ONECUT2: variants seen among roughly 807,000 people sequenced by gnomAD.
ONECUT2 encodes one cut homeobox 2.
In ONECUT2, 10 loss-of-function variants were observed where a neutral mutation model predicts 27.9. That is an observed-to-expected ratio of 0.36 (90% confidence interval 0.22 to 0.61). The LOEUF is 0.61. Ranked by LOEUF, ONECUT2 falls within the 20% of genes least tolerant of loss-of-function variation. ONECUT2 has a pLI of 0.73. For synonymous variants in ONECUT2, 334 were observed against 315.1 expected, an observed-to-expected ratio of 1.06 and a Z score of -0.64; for missense variants, 686 against 721.0, an observed-to-expected ratio of 0.95 and a Z score of 0.56.
intron 1 of ONECUT2, among the ~76,000 whole-genome samples, chr18:57,475,483 C>T (rs1459696692): frequency 2.6e-5 from 4 of 152,150 alleles, no homozygotes; most frequent in East Asian, 1.9e-4. Flanking sequence ...TCCCTGAAAG[C>T]GTCAAGAAGC....
Position 57,436,920 on chromosome 18 carries a change from C to A in ONECUT2, c.1204C>A (p.Arg402Ser). 2 of 1,608,518 alleles carry A rather than the reference C, an allele frequency of 1.2e-6. No individual in the cohort carries two copies. Among genetic ancestry groups the A allele is most frequent in the Non-Finnish European group, 1.7e-6 (2 of 1,177,744 alleles). ...WKWLQEPEFQRMSALRLAACK... is the reference protein window; with the variant it reads ...WKWLQEPEFQSMSALRLAACK... ...GTGGCTTCAGGAGCCCGAGTTCCAGCGCATGTCCGCCTTACGCCTGGCAGG... is the reference window on the plus strand; with the variant it reads ...GTGGCTTCAGGAGCCCGAGTTCCAGAGCATGTCCGCCTTACGCCTGGCAGG... Residue 402 changes from arginine to serine, a missense_variant, in exon 1 of 2, where the codon CGC becomes AGC. Around this residue, in one of 4 missense-constraint regions of ONECUT2, gnomAD observed 51 missense variants for 41.3 expected, o/e 1.23. Transcript: ENST00000491143. The surrounding 1 kb of genome is among the most constrained non-coding windows in gnomAD (Gnocchi z 5.9).
At position 57,486,182 on chromosome 18, in the gene ONECUT2, G is replaced by A. The variant is rs2050437149; in HGVS notation, c.*9459G>A. On this transcript the variant is annotated 3_prime_UTR_variant, in exon 2 of 2. Transcript: ENST00000491143. ...CAGCCTCATGCTTCACTTGCAAAGT[G>A]TGACATAACCACGGGACGAGTGCCT... is the stretch of plus-strand genomic sequence containing the variant. The A allele has an allele frequency of 6.5e-6, 1 of 152,678 alleles. No individual in the cohort carries two copies. Among genetic ancestry groups the A allele is most frequent in the African/African-American group, 2.4e-5 (1 of 41,438 alleles). 9.5% of individuals were successfully genotyped at this position (152,678 alleles called of 1,614,324 possible).
At position 57,483,051 on chromosome 18, in the gene ONECUT2, G is replaced by A. The variant is rs989484540; in HGVS notation, c.*6328G>A. 8 of 151,770 alleles carry A rather than the reference G, an allele frequency of 5.3e-5. No homozygotes were observed. The highest frequency in any genetic ancestry group is 1.9e-4 in the East Asian group (1 of 5,164). The allele number at this position is 151,770 out of a possible 1,614,324, so 9.4% of individuals were successfully genotyped here. A position where few individuals can be genotyped will look rare whatever the true frequency, so the allele number is the denominator to read the frequency against. On this transcript the variant is annotated 3_prime_UTR_variant, in exon 2 of 2. Coordinates refer to ENST00000491143, the MANE Select transcript of ONECUT2 (RefSeq NM_004852.3). ...GATGACACCTATGATTGATGACTTC[G>A]GTTGAATAGCTTTATTCTGGATTTT...
In ONECUT2 at chr18:57,476,841, G is replaced by A. The variant is rs2050386091; in HGVS notation, c.*118G>A. On this transcript the variant is annotated 3_prime_UTR_variant, in exon 2 of 2. Coordinates refer to ENST00000491143, the MANE Select transcript of ONECUT2 (RefSeq NM_004852.3). ...GGGGCCCTTCACTGGTGATTTGAAA[G>A]CACAATTCTCTTGCAAAGAAACTTA... The A allele has an allele frequency of 2.6e-6, 3 of 1,141,798 alleles. No homozygotes were observed. The highest frequency in any genetic ancestry group is 3.3e-5 in the South Asian group (2 of 61,428). 70.7% of individuals were successfully genotyped at this position (1,141,798 alleles called of 1,614,324 possible).
chr18:57,468,422 A>G (rs1163545799), intron 1 of ONECUT2, among the ~76,000 whole-genome samples: 2 of 152,240 alleles, frequency 1.3e-5, no homozygotes, highest in East Asian at 1.9e-4. Flanking sequence ...CTCCATGGTC[A>G]TCTGAACCTA....
intron 1 of ONECUT2, among the ~76,000 whole-genome samples, chr18:57,447,955 G>A (rs1464792438): frequency 6.6e-6 from 1 of 152,144 alleles, no homozygotes; most frequent in East Asian, 1.9e-4. Flanking sequence ...CAGAGATGTT[G>A]AGTGACTTCC....
In ONECUT2 at chr18:57,478,633, G is replaced by T. The variant is rs480302; in HGVS notation, c.*1910G>T. On this transcript the variant is annotated 3_prime_UTR_variant, in exon 2 of 2. Coordinates refer to ENST00000491143, the MANE Select transcript of ONECUT2 (RefSeq NM_004852.3). The stretch of plus-strand genomic sequence containing the variant: ...GATAGAAATAAGGAAGAGCCTCAGT[G>T]GCTGCTGCTTCATTTGACAACTCAC... 0.1 allele frequency: 15,673 copies of T among 152,668 alleles called. 880 individuals carry two copies. The highest frequency in any genetic ancestry group is 0.21 in the Middle Eastern group (62 of 294). 9.5% of individuals were successfully genotyped at this position (152,668 alleles called of 1,614,324 possible).
chr18:57,471,485 G>A (rs2050353534), intron 1 of ONECUT2, among the ~76,000 whole-genome samples: 1 of 152,188 alleles, frequency 6.6e-6, no homozygotes, highest in African/African-American at 2.4e-5. Flanking sequence ...GACCTCCTGA[G>A]GGGCAAAAAT....
rs545728479 is a variant in ONECUT2, at chr18:57,465,796, T to C, written c.1229-10641T>C. On this transcript the variant is annotated intron_variant, in intron 1 of 1. Transcript: ENST00000491143. ...TTTTGCTCATGACCTCTTTTCTGGA[T>C]GTTAGTGCACTCATTCTCTAAGCCC... 5.9e-5 allele frequency among the ~76,000 whole-genome samples: 9 copies of C among 152,346 alleles called. No individual in the cohort carries two copies. The South Asian group carries it at 1.9e-3, about 32-fold the overall frequency.
chr18:57,476,820 C>A lies in ONECUT2; in HGVS notation c.*97C>A. 2 of 1,326,790 alleles carry A rather than the reference C, an allele frequency of 1.5e-6. No individual in the cohort carries two copies. Among genetic ancestry groups the A allele is most frequent in the Admixed American group, 2.4e-5 (1 of 41,012 alleles). The allele number at this position is 1,326,790 out of a possible 1,614,324, so 82.2% of individuals were successfully genotyped here. On this transcript the variant is annotated 3_prime_UTR_variant, in exon 2 of 2. Coordinates refer to ENST00000491143, the MANE Select transcript of ONECUT2 (RefSeq NM_004852.3). ...AAAGACACCGGATTCCTAGCTGGGG[C>A]CCTTCACTGGTGATTTGAAAGCACA...
chr18:57,437,853 T>A (rs2050151777), intron 1 of ONECUT2, among the ~76,000 whole-genome samples: 1 of 152,196 alleles, frequency 6.6e-6, no homozygotes, highest in South Asian at 2.1e-4. Flanking sequence ...AAATTAAAAA[T>A]TCAGGTTAGT....
intron 1 of ONECUT2, among the ~76,000 whole-genome samples, chr18:57,454,632 C>T (rs1568120867): frequency 1.3e-5 from 2 of 152,188 alleles, no homozygotes; most frequent in Admixed American, 6.5e-5. Context: ...CATCCTATTA[C>T]ACATGGGCCA....
rs2050423209 is a variant in ONECUT2 at position 57,483,096 on chromosome 18, CA to C, written c.*6376del. 3 of 131,236 alleles carry C rather than the reference CA, an allele frequency of 2.3e-5. No homozygotes were observed. In the South Asian group the frequency reaches 7.5e-4, roughly 33 times the overall value. 8.1% of individuals were successfully genotyped at this position (131,236 alleles called of 1,614,324 possible). A position where few individuals can be genotyped will look rare whatever the true frequency, so the allele number is the denominator to read the frequency against. On this transcript the variant is annotated 3_prime_UTR_variant, in exon 2 of 2. Coordinates refer to ENST00000491143, the MANE Select transcript of ONECUT2 (RefSeq NM_004852.3). ...GATTTTTCATAACTAAAGCTAAATC[CA>C]AAGACCTGAAAAAGGACAAAAAGAA...
chr18:57,491,065 G>A lies in ONECUT2; in HGVS notation c.*14342G>A, dbSNP rs72936135. On this transcript the variant is annotated 3_prime_UTR_variant, in exon 2 of 2. Transcript: ENST00000491143. ...CAGTGGCTGCCCTGAAATCCTGGTG[G>A]GGATGAGGATCACGCTTCATCATCA... is the stretch of plus-strand genomic sequence containing the variant. 9.8e-3 allele frequency: 1,497 copies of A among 152,730 alleles called. 10 individuals carry two copies. The highest frequency in any genetic ancestry group is 0.014 in the Non-Finnish European group (963 of 68,042). 9.5% of individuals were successfully genotyped at this position (152,730 alleles called of 1,614,324 possible).
rs903451517 is a variant in ONECUT2, at chr18:57,486,696, G to GT, written c.*9980dup. On this transcript the variant is annotated 3_prime_UTR_variant, in exon 2 of 2. Transcript: ENST00000491143. ...AGGTGCGCTTAAAAAGAAAATGTAT[G>GT]TTTTTTTCCCCCTTTGGATTTTATT... The GT allele has an allele frequency of 6.6e-6, 1 of 152,554 alleles. No homozygotes were observed. The highest frequency in any genetic ancestry group is 1.5e-5 in the Non-Finnish European group (1 of 68,006). 9.5% of individuals were successfully genotyped at this position (152,554 alleles called of 1,614,324 possible).
intron 1 of ONECUT2, among the ~76,000 whole-genome samples, chr18:57,446,307 C>T (rs1478925200): frequency 6.6e-6 from 1 of 152,236 alleles, no homozygotes; most frequent in East Asian, 1.9e-4. Context: ...GAAAATCCCC[C>T]CACTGCCCCT....
At chr18:57,445,517 A>T (rs1378325545) in intron 1 of ONECUT2, among the ~76,000 whole-genome samples, 1 of 152,134 alleles carries the variant, frequency 6.6e-6, no homozygotes, top group Non-Finnish European at 1.5e-5. Flanking sequence ...AACACGGTAC[A>T]TGACCTGTTT....
intron 1 of ONECUT2, among the ~76,000 whole-genome samples, chr18:57,439,327 G>A (rs2050161318): frequency 6.6e-6 from 1 of 152,234 alleles, no homozygotes; most frequent in Non-Finnish European, 1.5e-5. Context: ...CGCTGAAGCT[G>A]CCTTCGTGGG....
chr18:57,465,871 C>A (rs2050318402), intron 1 of ONECUT2, among the ~76,000 whole-genome samples: 1 of 152,214 alleles, frequency 6.6e-6, no homozygotes, highest in African/African-American at 2.4e-5. Context: ...ATCTAATCAG[C>A]TTCCTTGTTG....
Sources: gnomAD v4.1 joint callset for allele counts (sites outside exome capture counted in the v4.1 genomes callset) on GRCh38, gnomAD v4.1.1 for gene constraint, gnomAD v4.1.1 regional missense constraint, Gnocchi (gnomAD v3.1) non-coding constraint, MANE v1.5 for transcripts, NCBI Gene and HGNC (gene_info 2026-07-23, HGNC 2026-07-21) for gene names.